Variants in GRID1 observed in about 807,000 individuals in gnomAD.
GRID1 encodes glutamate receptor ionotropic, delta-1.
GRID1 carries 28 observed loss-of-function variants against 98.0 expected under a neutral mutation model. That is an observed-to-expected ratio of 0.29 (90% confidence interval 0.21 to 0.39). GRID1 has a LOEUF of 0.39. GRID1 is among the 10% of genes least tolerant of loss of function. GRID1 has a pLI of 1.00. For missense variants in GRID1, 1,111 were observed against 1,340.5 expected, an observed-to-expected ratio of 0.83 and a Z score of 2.67; for synonymous variants, 553 against 538.5, an observed-to-expected ratio of 1.03 and a Z score of -0.37.
chr10:85,616,700 G>A (rs568387157), intron 14 of GRID1, among the ~76,000 whole-genome samples: 1 of 152,286 alleles, frequency 6.6e-6, no homozygotes, highest in East Asian at 1.9e-4. Context: ...CAAGTCACGG[G>A]TACAAAATGA....
chr10:86,255,014 AC>A (rs939976593), intron 2 of GRID1, among the ~76,000 whole-genome samples: 6 of 151,618 alleles, frequency 4.0e-5, no homozygotes, highest in African/African-American at 1.5e-4. Flanking sequence ...TGGCCTCCAC[AC>A]CCCCAAGACC....
chr10:85,964,315 A>T (rs1481880191), intron 4 of GRID1, among the ~76,000 whole-genome samples: 1 of 152,228 alleles, frequency 6.6e-6, no homozygotes, highest in Non-Finnish European at 1.5e-5. Flanking sequence ...GGAACCAAAA[A>T]AGAGACCACA....
chr10:85,622,418 A>T (rs533134608), intron 13 of GRID1, among the ~76,000 whole-genome samples: 4 of 151,988 alleles, frequency 2.6e-5, no homozygotes, highest in South Asian at 4.1e-4. Context: ...CTTTTTTTTA[A>T]AAAAAATATA....
At chr10:85,931,788 T>C (rs1841853594) in intron 4 of GRID1, among the ~76,000 whole-genome samples, 2 of 152,202 alleles carry the variant, frequency 1.3e-5, no homozygotes, top group Non-Finnish European at 2.9e-5. Flanking sequence ...TCCTTTCATG[T>C]TTAATATGAA....
At position 86,287,374 on chromosome 10, in the gene GRID1, G is replaced by A. The variant is rs534977682; in HGVS notation, c.235+76567C>T. Among the ~76,000 whole-genome samples the A allele has an allele frequency of 2.6e-5, 4 of 152,290 alleles. No individual in the cohort carries two copies. The East Asian group carries it at 7.7e-4, about 29-fold the overall frequency. The stretch of plus-strand genomic sequence containing the variant: ...AGAGATAATCAGGGGAGAGCCCTGG[G>A]CACCATTCCTGGTCCCAGTAACGCA... On this transcript the variant is annotated intron_variant, in intron 2 of 15. Transcript: ENST00000327946.
intron 8 of GRID1, among the ~76,000 whole-genome samples, chr10:85,777,897 C>T (rs1324018707): frequency 6.6e-6 from 1 of 152,138 alleles, no homozygotes; most frequent in Non-Finnish European, 1.5e-5. Context: ...AAATTTAGTC[C>T]TAATTAAAAC....
intron 8 of GRID1, among the ~76,000 whole-genome samples, chr10:85,780,874 T>C (rs569359898): frequency 6.8e-4 from 103 of 152,352 alleles, no homozygotes; most frequent in African/African-American, 2.2e-3. Context: ...GCACATAGTG[T>C]TTTATAAATA....
rs181715597 is a variant in GRID1, at chr10:85,619,113, G to A, written c.2360+754C>T. Among the ~76,000 whole-genome samples, 13 of 152,300 alleles carry A rather than the reference G, an allele frequency of 8.5e-5. No homozygotes were observed. In the East Asian group the frequency reaches 1.9e-3, roughly 23 times the overall value. ...GATTCATCCCTTCACCCAGCAAAATGCCCTTCACAGATATGTGCAAGAAGA... is the reference window on the plus strand; with the variant it reads ...GATTCATCCCTTCACCCAGCAAAATACCCTTCACAGATATGTGCAAGAAGA... On this transcript the variant is annotated intron_variant, in intron 14 of 15. Transcript: ENST00000327946.
intron 14 of GRID1, among the ~76,000 whole-genome samples, chr10:85,615,379 C>T (rs1482362285): frequency 6.6e-6 from 1 of 152,222 alleles, no homozygotes; most frequent in African/African-American, 2.4e-5. Flanking sequence ...TGAGCAGACC[C>T]TTCAGGACAG....
At chr10:85,743,714 T>C (rs932111822) in intron 8 of GRID1, among the ~76,000 whole-genome samples, 2 of 151,770 alleles carry the variant, frequency 1.3e-5, no homozygotes, top group African/African-American at 4.9e-5. Context: ...AAAGCCACAA[T>C]TAATTTTGCA....
rs552308756 is a variant in GRID1, at chr10:86,085,116, C to T, written c.726+53703G>A. Among the ~76,000 whole-genome samples, 16 of 152,284 alleles carry T rather than the reference C, an allele frequency of 1.1e-4. No individual in the cohort carries two copies. In the South Asian group the frequency reaches 2.1e-3, roughly 20 times the overall value. Reference sequence around the variant, plus strand: ...GAAGAGCATTTCAGGAAGAAACCCCCGTGATAAGCCTCTCTCTCACTGCTT... The same window carrying T: ...GAAGAGCATTTCAGGAAGAAACCCCTGTGATAAGCCTCTCTCTCACTGCTT... On this transcript the variant is annotated intron_variant, in intron 4 of 15. Transcript: ENST00000327946.
intron 5 of GRID1, among the ~76,000 whole-genome samples, chr10:85,894,087 G>A (rs762338876): frequency 1.3e-5 from 2 of 152,150 alleles, no homozygotes; most frequent in African/African-American, 2.4e-5. Context: ...TATTGAGATA[G>A]TGTGGCACTG....
chr10:85,974,630 A>G (rs12257021), intron 4 of GRID1, among the ~76,000 whole-genome samples: 3 of 152,104 alleles, frequency 2.0e-5, no homozygotes, highest in Non-Finnish European at 2.9e-5. Flanking sequence ...ATGCTCCCCT[A>G]TATTACCTGG....
intron 2 of GRID1, among the ~76,000 whole-genome samples, chr10:86,214,105 G>A (rs1039162479): frequency 6.6e-6 from 1 of 152,152 alleles, no homozygotes; most frequent in African/African-American, 2.4e-5. Flanking sequence ...CTAGTGGACT[G>A]GCCTTTATAA....
chr10:86,243,691 AGACG>A (rs1846673765), intron 2 of GRID1, among the ~76,000 whole-genome samples: 1 of 152,234 alleles, frequency 6.6e-6, no homozygotes, highest in Admixed American at 6.5e-5. Context: ...GCCAGTATAC[AGACG>A]AGGAAATCAA....
At position 85,772,079 on chromosome 10, in the gene GRID1, T is replaced by C. The variant is rs11498991; in HGVS notation, c.1234-42465A>G. Among the ~76,000 whole-genome samples, 140 of 152,036 alleles carry C rather than the reference T, an allele frequency of 9.2e-4. 1 individual carries two copies. Among genetic ancestry groups the C allele is most frequent in the South Asian group, 5.0e-3 (24 of 4,810 alleles). ...TTGACCACATAGTTGGAAGGAGAGCTCTCCTCAGCAAATGTAAAAGATAAG... is the reference window on the plus strand; with the variant it reads ...TTGACCACATAGTTGGAAGGAGAGCCCTCCTCAGCAAATGTAAAAGATAAG... On this transcript the variant is annotated intron_variant, in intron 8 of 15. Transcript: ENST00000327946.
chr10:85,715,779 A>G (rs922496165), intron 12 of GRID1, among the ~76,000 whole-genome samples: 7 of 152,252 alleles, frequency 4.6e-5, no homozygotes, highest in Non-Finnish European at 1.5e-5. Flanking sequence ...GAAGTACCGT[A>G]TGATCCAGTG....
intron 8 of GRID1, among the ~76,000 whole-genome samples, chr10:85,752,097 C>T (rs550469238): frequency 6.6e-6 from 1 of 152,240 alleles, no homozygotes; most frequent in East Asian, 1.9e-4. Flanking sequence ...GAGTCGATGA[C>T]CCTCTTGAGT....
intron 4 of GRID1, among the ~76,000 whole-genome samples, chr10:86,044,580 C>T (rs1057137947): frequency 1.3e-5 from 2 of 152,150 alleles, no homozygotes; most frequent in Non-Finnish European, 2.9e-5. Context: ...ACCTCACCTC[C>T]CCTAAAAACC....
Sources: allele counts gnomAD v4.1 joint callset (sites outside exome capture counted in the v4.1 genomes callset), GRCh38; gene constraint gnomAD v4.1.1; transcripts MANE v1.5; gene names NCBI Gene and HGNC (gene_info 2026-07-23, HGNC 2026-07-21).